Variants in ARID4B observed in about 807,000 individuals in gnomAD.
ARID4B encodes the protein AT-rich interaction domain 4B.
ARID4B carries 26 observed loss-of-function variants against 147.5 expected under a neutral mutation model. The observed-to-expected ratio is 0.18, with a 90% confidence interval of 0.13 to 0.24. ARID4B has a LOEUF of 0.24. Among genes scored for constraint, ARID4B ranks in the 10% least tolerant of loss-of-function variants. The pLI, the probability that ARID4B is intolerant of heterozygous loss-of-function variation, is 1.00. For synonymous variants in ARID4B, 512 were observed against 507.9 expected (o/e 1.01, Z -0.11); for missense variants, 1,179 against 1,511.5 (o/e 0.78, Z 3.65).
intron 2 of ARID4B, among the ~76,000 whole-genome samples, chr1:235,284,772 T>A (rs1188265189): frequency 6.6e-6 from 1 of 152,182 alleles, no homozygotes; most frequent in Admixed American, 6.5e-5. Flanking sequence ...CTCATGCCTA[T>A]AATCCCAACA....
At chr1:235,280,328 C>T (rs959217053) in intron 2 of ARID4B, among the ~76,000 whole-genome samples, 1 of 152,208 alleles carries the variant, frequency 6.6e-6, no homozygotes, top group Non-Finnish European at 1.5e-5. Context: ...GAACAGGACA[C>T]CTTCACTGAC....
Position 235,196,763 on chromosome 1 carries a change from G to A in ARID4B, c.1842-648C>T, listed in dbSNP as rs932176250. On this transcript the variant is annotated intron_variant, in intron 17 of 23. Coordinates refer to ENST00000264183, the MANE Select transcript of ARID4B (RefSeq NM_016374.6). The stretch of plus-strand genomic sequence containing the variant: ...AGCTACTCAGGAGGCTGAGGCAGAA[G>A]AATCGTGTGAACCCAGGAGCGGAGC... 4.1e-5 allele frequency among the ~76,000 whole-genome samples: 6 copies of A among 147,644 alleles called. No individual in the cohort carries two copies. The Admixed American group carries it at 4.2e-4, about 10-fold the overall frequency.
intron 2 of ARID4B, among the ~76,000 whole-genome samples, chr1:235,311,449 T>G (rs1164916942): frequency 6.6e-6 from 1 of 151,586 alleles, no homozygotes; most frequent in Non-Finnish European, 1.5e-5. Context: ...ACTGGGACTA[T>G]TTGCCACCTA....
chr1:235,245,172 A>T (rs1300076116), intron 7 of ARID4B, among the ~76,000 whole-genome samples: 1 of 152,226 alleles, frequency 6.6e-6, no homozygotes, highest in Non-Finnish European at 1.5e-5. Flanking sequence ...ACACATAGAG[A>T]TTCTCAACAG....
Position 235,181,854 on chromosome 1 carries a change from G to C in ARID4B, c.3065C>G (p.Thr1022Ser). ...AGGCGATTCAGGTGTAGTAGGAGGG[G>C]TATTTAGCACTGAATTACTGCCACT... ...PSSGSNSVLN[T>S]PPTTPESPSS... The change falls in exon 20 of 24, where the codon ACC becomes AGC. Residue 1022 changes from threonine to serine, a missense_variant. This residue lies in a region of ARID4B where 357 missense variants were observed against 427.3 expected (regional missense o/e 0.84). Coordinates refer to ENST00000264183, the MANE Select transcript of ARID4B (RefSeq NM_016374.6). 1 of 1,614,128 alleles carries C rather than the reference G, an allele frequency of 6.2e-7. No individual in the cohort carries two copies. Among genetic ancestry groups the C allele is most frequent in the Non-Finnish European group, 8.5e-7 (1 of 1,180,034 alleles).
Position 235,268,419 on chromosome 1 carries a change from G to A in ARID4B, c.7-7667C>T, listed in dbSNP as rs994250254. Among the ~76,000 whole-genome samples, 13 of 152,156 alleles carry A rather than the reference G, an allele frequency of 8.5e-5. No individual in the cohort carries two copies. The East Asian group carries it at 1.2e-3, about 14-fold the overall frequency. ...AATAAACAAGTACTTCTAGGTGTGC[G>A]TGTGTGTCCCTATATTTTCCTAGCT... is the stretch of plus-strand genomic sequence containing the variant. On this transcript the variant is annotated intron_variant, in intron 2 of 23. Transcript: ENST00000264183.
At chr1:235,311,850 C>A (rs987148540) in intron 2 of ARID4B, among the ~76,000 whole-genome samples, 4 of 152,048 alleles carry the variant, frequency 2.6e-5, no homozygotes, top group African/African-American at 9.7e-5. Context: ...TACATACCTG[C>A]AAAACTTAAA....
chr1:235,260,479 TATA>T (rs1170172610), intron 3 of ARID4B, among the ~76,000 whole-genome samples, 160 bp downstream of exon 3: 2 of 152,228 alleles, frequency 1.3e-5, no homozygotes, highest in African/African-American at 4.8e-5. Flanking sequence ...TCTTTCCAAT[TATA>T]ATACTTTTAA....
At chr1:235,272,303 C>T (rs1268500439) in intron 2 of ARID4B, among the ~76,000 whole-genome samples, 2 of 152,076 alleles carry the variant, frequency 1.3e-5, no homozygotes, top group East Asian at 3.9e-4. Flanking sequence ...TTTAATGATT[C>T]CTATCTGTCC....
intron 2 of ARID4B, among the ~76,000 whole-genome samples, chr1:235,289,605 C>T (rs1331394374): frequency 6.6e-6 from 1 of 151,504 alleles, no homozygotes; most frequent in Non-Finnish European, 1.5e-5. Context: ...GTGCCTGTAG[C>T]CCCAGGTACT....
At chr1:235,223,085 G>T in intron 13 of ARID4B, 81 bp downstream of exon 13, 1 of 977,452 alleles carries the variant, frequency 1.0e-6, no homozygotes, top group South Asian at 1.6e-5. Context: ...TTGTTGTTTA[G>T]AAAAACAATT....
At chr1:235,303,325 T>A (rs1028781713) in intron 2 of ARID4B, among the ~76,000 whole-genome samples, 3 of 151,956 alleles carry the variant, frequency 2.0e-5, no homozygotes, top group African/African-American at 7.3e-5. Context: ...AAAACAAATA[T>A]TTTCCAGTGG....
chr1:235,264,428 C>CACT (rs1371440471), intron 2 of ARID4B, among the ~76,000 whole-genome samples: 1 of 152,140 alleles, frequency 6.6e-6, no homozygotes, highest in Admixed American at 6.5e-5. Context: ...CATAAGGTAT[C>CACT]ACTCTATCAT....
chr1:235,307,860 C>T (rs928084085), intron 2 of ARID4B, among the ~76,000 whole-genome samples: 9 of 152,104 alleles, frequency 5.9e-5, no homozygotes, highest in African/African-American at 1.9e-4. Context: ...GAGATAGAGT[C>T]TCGCTCTGTC....
intron 9 of ARID4B, among the ~76,000 whole-genome samples, 159 bp from the exon 10 acceptor site, chr1:235,231,348 AATAAC>A (rs1351260785): frequency 6.6e-6 from 1 of 152,260 alleles, no homozygotes; most frequent in Admixed American, 6.5e-5. Flanking sequence ...GCAAGTCAGA[AATAAC>A]ATACAAGACA....
At chr1:235,286,563 G>A (rs1671987945) in intron 2 of ARID4B, among the ~76,000 whole-genome samples, 1 of 152,104 alleles carries the variant, frequency 6.6e-6, no homozygotes, top group African/African-American at 2.4e-5. Flanking sequence ...AAGGATGACT[G>A]GTAATCTAGT....
At chr1:235,210,146 G>A (rs556398904) in intron 17 of ARID4B, among the ~76,000 whole-genome samples, 118 of 151,954 alleles carry the variant, frequency 7.8e-4, no homozygotes, top group African/African-American at 2.8e-3. Context: ...AGGATCACTC[G>A]AGCCCAAGAA....
At chr1:235,247,745 T>C (rs1316616259) in intron 6 of ARID4B, among the ~76,000 whole-genome samples, 4 of 152,100 alleles carry the variant, frequency 2.6e-5, no homozygotes, top group Non-Finnish European at 5.9e-5. Context: ...TCCCAGCACT[T>C]TGGGAGGCCG....
At chr1:235,299,952 C>A (rs1172595020) in intron 2 of ARID4B, among the ~76,000 whole-genome samples, 1 of 152,112 alleles carries the variant, frequency 6.6e-6, no homozygotes, top group East Asian at 1.9e-4. Flanking sequence ...AGTATTTAGT[C>A]CTGTTCTTAA....
Sources: allele counts gnomAD v4.1 joint callset (sites outside exome capture counted in the v4.1 genomes callset), GRCh38; gene constraint gnomAD v4.1.1; regional missense constraint gnomAD v4.1.1; transcripts MANE v1.5; gene names NCBI Gene and HGNC (gene_info 2026-07-23, HGNC 2026-07-21).